The following USP13 variants were observed in gnomAD, a reference collection of about 807,000 sequenced individuals.
The protein encoded by USP13 is ubiquitin specific peptidase 13.
A neutral mutation model predicts 107.8 loss-of-function variants in USP13; 68 were observed. The ratio of observed to expected loss-of-function variants is 0.63; its 90% confidence interval spans 0.52 to 0.77. The LOEUF (loss-of-function observed/expected upper bound fraction) is 0.77. Among genes scored for constraint, USP13 ranks in the 30% least tolerant of loss-of-function variants. The pLI is 0.00. For missense variants in USP13, 945 were observed against 1,093.3 expected, an observed-to-expected ratio of 0.86 and a Z score of 1.91; for synonymous variants, 377 against 389.5, an observed-to-expected ratio of 0.97 and a Z score of 0.38.
intron 4 of USP13, 71 bp from the exon 5 acceptor site, chr3:179,706,863 T>A: frequency 6.7e-7 from 1 of 1,494,994 alleles, no homozygotes; most frequent in Non-Finnish European, 9.0e-7. Context: ...TTCTAGTGAA[T>A]TTGCTATTCA....
intron 2 of USP13, among the ~76,000 whole-genome samples, chr3:179,683,553 C>T (rs1711751839): frequency 6.6e-6 from 1 of 152,138 alleles, no homozygotes; most frequent in Non-Finnish European, 1.5e-5. Flanking sequence ...TGGTAGCAGG[C>T]AAAGAGAGAG....
At chr3:179,676,050 C>T (rs772968372) in intron 1 of USP13, among the ~76,000 whole-genome samples, 12 of 152,094 alleles carry the variant, frequency 7.9e-5, no homozygotes, top group Non-Finnish European at 1.6e-4. Context: ...ATCCTGTTCT[C>T]GTGATAGTGA....
chr3:179,736,639 G>A (rs772101064), intron 10 of USP13, among the ~76,000 whole-genome samples: 3 of 152,226 alleles, frequency 2.0e-5, no homozygotes, highest in Non-Finnish European at 2.9e-5. Context: ...TTGAATAGAA[G>A]ATTAAGAAAA....
intron 6 of USP13, among the ~76,000 whole-genome samples, chr3:179,715,517 A>G (rs1713083826): frequency 6.6e-6 from 1 of 150,760 alleles, no homozygotes; most frequent in South Asian, 2.1e-4. Context: ...GGCACGCACA[A>G]CCACGCCCAG....
rs866842008 is a variant in USP13, at chr3:179,739,283, G to T, written c.1255-964G>T. Among the ~76,000 whole-genome samples, 4 of 152,264 alleles carry T rather than the reference G, an allele frequency of 2.6e-5. No individual in the cohort carries two copies. The South Asian group carries it at 8.3e-4, about 32-fold the overall frequency. ...CCAGCATCCTCGTCCTGCCAGAGTT[G>T]CCCTGCTGCCTGTTCTTCCCCCGCA... On this transcript the variant is annotated intron_variant, in intron 10 of 20. Coordinates refer to ENST00000263966, the MANE Select transcript of USP13 (RefSeq NM_003940.3).
At chr3:179,695,694 GT>G (rs1181120711) in intron 3 of USP13, among the ~76,000 whole-genome samples, 3 of 152,042 alleles carry the variant, frequency 2.0e-5, no homozygotes, top group Non-Finnish European at 2.9e-5. Flanking sequence ...TGAAAATTAA[GT>G]TTTTTTCCCC....
At chr3:179,715,450 C>A (rs992982879) in intron 6 of USP13, among the ~76,000 whole-genome samples, 1 of 150,206 alleles carries the variant, frequency 6.7e-6, no homozygotes, top group South Asian at 2.1e-4. Context: ...CTGCAACCTC[C>A]GCCTCCTGGG....
At chr3:179,766,555 C>G (rs544457688) in intron 19 of USP13, among the ~76,000 whole-genome samples, 10 of 152,292 alleles carry the variant, frequency 6.6e-5, no homozygotes, top group African/African-American at 2.4e-4. Context: ...TAATAATATC[C>G]TGAAGGGGTG....
intron 6 of USP13, among the ~76,000 whole-genome samples, chr3:179,709,166 A>T (rs952288872): frequency 6.6e-6 from 1 of 152,242 alleles, no homozygotes; most frequent in African/African-American, 2.4e-5. Context: ...GATAACGATG[A>T]TGATACCTCT....
At chr3:179,677,703 G>A (rs1051750802) in intron 1 of USP13, among the ~76,000 whole-genome samples, 1 of 152,124 alleles carries the variant, frequency 6.6e-6, no homozygotes, top group Admixed American at 6.5e-5. Flanking sequence ...TGGATATAGA[G>A]TATTTCTATA....
At chr3:179,672,764 G>A (rs1480477037) in intron 1 of USP13, among the ~76,000 whole-genome samples, 1 of 152,186 alleles carries the variant, frequency 6.6e-6, no homozygotes, top group Non-Finnish European at 1.5e-5. Flanking sequence ...AAGTTGTCAA[G>A]GGAAATCATT....
At chr3:179,774,649 G>A (rs1472278979) in intron 19 of USP13, among the ~76,000 whole-genome samples, 1 of 152,222 alleles carries the variant, frequency 6.6e-6, no homozygotes, top group Non-Finnish European at 1.5e-5. Context: ...CCCAAAGGGT[G>A]AGCAGCAGCA....
chr3:179,699,486 G>A (rs1470868812), intron 3 of USP13, among the ~76,000 whole-genome samples: 1 of 152,016 alleles, frequency 6.6e-6, no homozygotes, highest in African/African-American at 2.4e-5. Context: ...CTGAGGTGGG[G>A]GGATTGCTTG....
Position 179,653,360 on chromosome 3 carries a change from C to T in USP13, c.135C>T (p.Tyr45=). Residue 45 remains tyrosine (Y), a synonymous_variant, in exon 1 of 21, where the codon TAC becomes TAT. Coordinates refer to ENST00000263966, the MANE Select transcript of USP13 (RefSeq NM_003940.3). The surrounding 1 kb of genome is among the most constrained non-coding windows in gnomAD (Gnocchi z 4.0). ...IRVPRSGDRV[Y]KNECAFSYDS... ...TGCCCAGGTCCGGCGACAGGGTCTA[C>T]AAGAACGAGTGCGCCTTCTCCTACG... 1 of 1,574,874 alleles carries T rather than the reference C, an allele frequency of 6.3e-7. No individual in the cohort carries two copies. The highest frequency in any genetic ancestry group is 2.3e-5 in the East Asian group (1 of 42,812).
At position 179,653,270 on chromosome 3, in the gene USP13, A is replaced by G. The variant is rs1720140120; in HGVS notation, c.45A>G (p.Gly15=). The part of the protein sequence containing the change: ...GALFGMPGGS[G]GRKMAAGDIG... Reference sequence around the variant, plus strand: ...TGTTCGGCATGCCGGGCGGCAGCGGAGGCAGGAAGATGGCTGCAGGAGACA... The same window carrying G: ...TGTTCGGCATGCCGGGCGGCAGCGGGGGCAGGAAGATGGCTGCAGGAGACA... Residue 15 remains glycine, a synonymous_variant, in exon 1 of 21, where the codon GGA becomes GGG. Coordinates refer to ENST00000263966, the MANE Select transcript of USP13 (RefSeq NM_003940.3). The surrounding 1 kb of genome is among the most constrained non-coding windows in gnomAD (Gnocchi z 4.0). 1 of 1,565,800 alleles carries G rather than the reference A, an allele frequency of 6.4e-7. No individual in the cohort carries two copies. Among genetic ancestry groups the G allele is most frequent in the Non-Finnish European group, 8.7e-7 (1 of 1,156,024 alleles).
At chr3:179,716,005 A>G (rs1196452082) in intron 6 of USP13, among the ~76,000 whole-genome samples, 1 of 151,144 alleles carries the variant, frequency 6.6e-6, no homozygotes, top group African/African-American at 2.4e-5. Context: ...GCTCACAGCA[A>G]CCTCCGCCTC....
At chr3:179,676,930 C>T (rs1299401162) in intron 1 of USP13, among the ~76,000 whole-genome samples, 2 of 152,064 alleles carry the variant, frequency 1.3e-5, no homozygotes, top group Non-Finnish European at 2.9e-5. Flanking sequence ...ATGATCTCGG[C>T]TCACTGCAAT....
intron 4 of USP13, 34 bp downstream of exon 4, chr3:179,701,163 G>A (rs771486783): frequency 6.2e-6 from 9 of 1,461,494 alleles, no homozygotes; most frequent in African/African-American, 1.4e-5. Context: ...AGCTAGATGC[G>A]CATGGCTCTG....
At chr3:179,708,989 G>A in intron 6 of USP13, 32 bp downstream of exon 6, 1 of 1,602,982 alleles carries the variant, frequency 6.2e-7, no homozygotes, top group South Asian at 1.1e-5. Flanking sequence ...TTGGGAACAT[G>A]CAGTGGCTTC....
Sources: allele counts gnomAD v4.1 joint callset (sites outside exome capture counted in the v4.1 genomes callset), GRCh38; gene constraint gnomAD v4.1.1; non-coding constraint Gnocchi (gnomAD v3.1); transcripts MANE v1.5; gene names NCBI Gene and HGNC (gene_info 2026-07-23, HGNC 2026-07-21).